Variants in VWF observed in about 807,000 individuals in gnomAD.
VWF encodes Factor VIII related antigen.
VWF carries 176 observed loss-of-function variants against 308.6 expected under a neutral mutation model. The observed-to-expected ratio is 0.57, with a 90% CI of 0.50 to 0.65. The LOEUF (loss-of-function observed/expected upper bound fraction) is 0.65. Ranked by LOEUF, VWF falls within the 30% of genes least tolerant of loss-of-function variation. The pLI is 0.00. For synonymous variants in VWF, 1,385 were observed against 1,443.4 expected (o/e 0.96, Z 0.92); for missense variants, 3,146 against 3,648.2 (o/e 0.86, Z 3.55).
intron 50 of VWF, among the ~76,000 whole-genome samples, 164 bp from the exon 51 acceptor site, chr12:5,950,047 TC>T (rs1943166089): frequency 6.6e-6 from 1 of 152,224 alleles, no homozygotes. Flanking sequence ...CCTCAGCTGT[TC>T]CTGGCCCGAA....
At chr12:5,956,177 T>G (rs1369208735) in intron 47 of VWF, among the ~76,000 whole-genome samples, 3 of 152,246 alleles carry the variant, frequency 2.0e-5, no homozygotes, top group Admixed American at 6.5e-5. Context: ...CCTACTGTGC[T>G]GCCAGTCATG....
intron 6 of VWF, among the ~76,000 whole-genome samples, chr12:6,081,917 C>T (rs1232467327): frequency 2.6e-5 from 4 of 152,036 alleles, no homozygotes; most frequent in Non-Finnish European, 4.4e-5. Context: ...TGTCATTTTT[C>T]CCCTAAATTA....
At chr12:6,068,616 T>C (rs891339684) in intron 10 of VWF, among the ~76,000 whole-genome samples, 1 of 151,920 alleles carries the variant, frequency 6.6e-6, no homozygotes, top group African/African-American at 2.4e-5. Context: ...ATTACAGGCA[T>C]GTGCCACCAT....
chr12:6,074,116 C>G (rs76111817), intron 7 of VWF, among the ~76,000 whole-genome samples: 1 of 152,094 alleles, frequency 6.6e-6, no homozygotes, highest in Non-Finnish European at 1.5e-5. Context: ...AAGCAAGGAG[C>G]CATGGTGCCC....
At chr12:5,994,892 T>C (rs565963753) in intron 35 of VWF, among the ~76,000 whole-genome samples, 1 of 152,248 alleles carries the variant, frequency 6.6e-6, no homozygotes, top group African/African-American at 2.4e-5. Flanking sequence ...TGAGTCTATG[T>C]GACTCAACAG....
intron 15 of VWF, among the ~76,000 whole-genome samples, chr12:6,053,283 C>G (rs767262943): frequency 7.9e-5 from 12 of 152,200 alleles, no homozygotes; most frequent in Non-Finnish European, 1.8e-4. Flanking sequence ...CTTACGTGGG[C>G]TCTATGCCTC....
In VWF at chr12:6,073,716, C is replaced by T; in HGVS notation, c.900G>A (p.Glu300=). The T allele has an allele frequency of 6.2e-7, 1 of 1,614,098 alleles. No homozygotes were observed. The highest frequency in any genetic ancestry group is 1.1e-5 in the South Asian group (1 of 91,070). Residue 300 remains glutamate, a synonymous_variant, in exon 8 of 52, where the codon GAG becomes GAA. Coordinates refer to ENST00000261405, the MANE Select transcript of VWF (RefSeq NM_000552.5). ...CGCAAGGGGACACACACTGCCTATA[C>T]TCCATACCAGCAGGGCACACTGGGC... The part of the protein sequence containing the change: ...ACSPVCPAGM[E]YRQCVSPCAR...
chr12:6,081,435 G>A (rs1427008147), intron 6 of VWF, among the ~76,000 whole-genome samples: 1 of 152,144 alleles, frequency 6.6e-6, no homozygotes, highest in Non-Finnish European at 1.5e-5. Context: ...CGACTTCCTG[G>A]TTCAAGGGAT....
intron 47 of VWF, among the ~76,000 whole-genome samples, chr12:5,960,257 G>C (rs1346512214): frequency 6.6e-6 from 1 of 151,752 alleles, no homozygotes; most frequent in East Asian, 1.9e-4. Flanking sequence ...AACTAAATTT[G>C]ACCAACTTAA....
At chr12:6,069,235 C>T (rs1399245824) in intron 10 of VWF, among the ~76,000 whole-genome samples, 3 of 152,094 alleles carry the variant, frequency 2.0e-5, no homozygotes, top group East Asian at 3.9e-4. Flanking sequence ...CCCCAGTTTA[C>T]AGATGAGGAA....
At chr12:5,984,141 G>A (rs1042246091) in intron 40 of VWF, among the ~76,000 whole-genome samples, 1 of 152,150 alleles carries the variant, frequency 6.6e-6, no homozygotes, top group African/African-American at 2.4e-5. Context: ...TTCTTCTTCT[G>A]GAAGGTGGGA....
chr12:6,054,212 T>C (rs7957068), intron 15 of VWF, among the ~76,000 whole-genome samples: 39,456 of 152,136 alleles, frequency 0.26, 5,375 homozygotes, highest in Non-Finnish European at 0.3. Flanking sequence ...CTCCCGCTCC[T>C]ACAACCACCC....
Position 6,073,724 on chromosome 12 carries a change from C to T in VWF, c.892G>A (p.Gly298Ser). 6.2e-7 allele frequency: 1 copy of T among 1,614,036 alleles called. No individual in the cohort carries two copies. Residue 298 changes from glycine to serine, a missense_variant, in exon 8 of 52, where the codon GGT becomes AGT. By Grantham distance (56) the Gly-to-Ser change is moderately conservative. Around this residue, in one of 3 missense-constraint regions of VWF, gnomAD observed 1,304 missense variants for 1,353.0 expected, o/e 0.96. Transcript: ENST00000261405. The part of the protein sequence containing the change: ...HSACSPVCPA[G>S]MEYRQCVSPC... ...GACACACACTGCCTATACTCCATAC[C>T]AGCAGGGCACACTGGGCCTGAAAAG... is the stretch of plus-strand genomic sequence containing the variant.
At position 6,110,400 on chromosome 12, in the gene VWF, G is replaced by A. The variant is rs201312416; in HGVS notation, c.506C>T (p.Ala169Val). 1.1e-5 allele frequency: 17 copies of A among 1,614,164 alleles called. No individual in the cohort carries two copies. The highest frequency in any genetic ancestry group is 1.3e-5 in the Non-Finnish European group (15 of 1,180,002). Residue 169 changes from alanine to valine, a missense_variant, in exon 5 of 52, where the codon GCT (alanine) becomes GTT (valine). This residue lies in a region of VWF where 1,304 missense variants were observed against 1,353.0 expected (regional missense o/e 0.96). Transcript: ENST00000261405. The stretch of plus-strand genomic sequence containing the variant: ...TTCTTGGGTCATAAAGTCATCTTCA[G>A]CAAAGATGTTAAAGTTGCCACACAG... ...CGLCGNFNIF[A>V]EDDFMTQEGT...
chr12:5,949,889 G>A lies in VWF; in HGVS notation c.8156-6C>T, dbSNP rs550925582. ...GTTGCACTCAGGCTCCTCACCTACA[G>A]GACAGGTGAGAGATGAAACTTGAGG... is the stretch of plus-strand genomic sequence containing the variant. On this transcript the variant is annotated splice_region_variant and splice_polypyrimidine_tract_variant and intron_variant, in intron 50 of 51. Coordinates refer to ENST00000261405, the MANE Select transcript of VWF (RefSeq NM_000552.5). The A allele has an allele frequency of 1.1e-5, 17 of 1,611,262 alleles. No individual in the cohort carries two copies. In the African/African-American group the frequency reaches 2.0e-4, roughly 19 times the overall value.
At chr12:5,952,960 G>T (rs1943210202) in intron 48 of VWF, among the ~76,000 whole-genome samples, 1 of 152,160 alleles carries the variant, frequency 6.6e-6, no homozygotes, top group Non-Finnish European at 1.5e-5. Context: ...CAGGCACGGT[G>T]GCTCACACCT....
chr12:5,964,300 A>ATACATACATACATGCATACATACATAC (rs1267334614), intron 47 of VWF, among the ~76,000 whole-genome samples: 1 of 151,990 alleles, frequency 6.6e-6, no homozygotes, highest in African/African-American at 2.4e-5. Context: ...ACATACATAC[A>ATACATACATACATGCATACATACATAC]AAAAGCTACC....
At chr12:6,057,311 A>ATTTTTTTTTTC (rs1555198303) in intron 14 of VWF, among the ~76,000 whole-genome samples, 3 of 129,426 alleles carry the variant, frequency 2.3e-5, no homozygotes, top group African/African-American at 9.2e-5. Flanking sequence ...GGACTATGGA[A>ATTTTTTTTTTC]TTTTTTTTTT....
chr12:6,030,975 G>C (rs1172015685), intron 21 of VWF, among the ~76,000 whole-genome samples: 1 of 152,206 alleles, frequency 6.6e-6, no homozygotes, highest in African/African-American at 2.4e-5. Flanking sequence ...GTTGCAGTGA[G>C]CAGAGAGATC....
Sources: gnomAD v4.1 joint callset for allele counts (sites outside exome capture counted in the v4.1 genomes callset) on GRCh38, gnomAD v4.1.1 for gene constraint, gnomAD v4.1.1 regional missense constraint, MANE v1.5 for transcripts, NCBI Gene and HGNC (gene_info 2026-07-23, HGNC 2026-07-21) for gene names.